Variants in CCDC60 observed in about 807,000 individuals in gnomAD.
CCDC60 encodes the protein coiled-coil domain-containing protein 60.
Under a neutral mutation model 63.5 loss-of-function variants are expected in CCDC60, and 54 were observed. That is an observed-to-expected ratio of 0.85 (90% CI 0.68 to 1.07). The LOEUF (loss-of-function observed/expected upper bound fraction) is 1.07, where lower values mean the gene tolerates loss of function less well. CCDC60 is among the 50% of genes least tolerant of loss of function. The pLI is 0.00. For synonymous variants in CCDC60, 206 were observed against 238.8 expected (o/e 0.86, Z 1.27); for missense variants, 651 against 684.3 (o/e 0.95, Z 0.54).
intron 5 of CCDC60, among the ~76,000 whole-genome samples, chr12:119,498,077 G>A (rs1172976235): frequency 6.6e-6 from 1 of 152,114 alleles, no homozygotes; most frequent in Non-Finnish European, 1.5e-5. Context: ...TTCGCTGGTA[G>A]ATCTTCAGCA....
At chr12:119,422,239 G>A (rs1232836773) in intron 1 of CCDC60, among the ~76,000 whole-genome samples, 1 of 152,172 alleles carries the variant, frequency 6.6e-6, no homozygotes, top group Non-Finnish European at 1.5e-5. Flanking sequence ...GGGAAGCAAA[G>A]ACAGAAAATC....
chr12:119,500,021 C>T (rs1040365546), intron 5 of CCDC60, 57 bp from the exon 6 acceptor site: 16 of 1,194,882 alleles, frequency 1.3e-5, no homozygotes, highest in Non-Finnish European at 2.0e-5. Flanking sequence ...CTTAAAAGAA[C>T]TTGTAATAAA....
At chr12:119,523,084 G>T in intron 10 of CCDC60, 83 bp downstream of exon 10, 1 of 1,264,042 alleles carries the variant, frequency 7.9e-7, no homozygotes, top group South Asian at 1.2e-5. Context: ...GTGTAGAAAT[G>T]ACCCAATGCA....
chr12:119,505,782 G>A (rs1951982037), intron 7 of CCDC60, among the ~76,000 whole-genome samples: 2 of 152,146 alleles, frequency 1.3e-5, no homozygotes, highest in South Asian at 4.1e-4. Context: ...CTTTAACCTG[G>A]GAGGCGAGGT....
intron 2 of CCDC60, among the ~76,000 whole-genome samples, chr12:119,443,832 ATC>A (rs897501201): frequency 6.6e-6 from 1 of 152,138 alleles, no homozygotes; most frequent in African/African-American, 2.4e-5. Flanking sequence ...GAGTTACCTA[ATC>A]TCTCTGAGTC....
At chr12:119,452,617 T>C (rs1950654703) in intron 2 of CCDC60, among the ~76,000 whole-genome samples, 1 of 152,200 alleles carries the variant, frequency 6.6e-6, no homozygotes, top group Non-Finnish European at 1.5e-5. Flanking sequence ...TGCAAAAGCT[T>C]TCTCACAGTT....
chr12:119,456,020 A>C lies in CCDC60; in HGVS notation c.171-15974A>C, dbSNP rs909465963. On this transcript the variant is annotated intron_variant, in intron 2 of 13. Transcript: ENST00000327554. The surrounding 1 kb of genome is among the most constrained non-coding windows in gnomAD (Gnocchi z 4.6). The stretch of plus-strand genomic sequence containing the variant: ...GAGAAAGAGAAAGAAAGAAAGAAAG[A>C]AAGAAAGAAAGAAAGAAAGAAAGAA... Among the ~76,000 whole-genome samples, 1 of 123,956 alleles carries C rather than the reference A, an allele frequency of 8.1e-6. No homozygotes were observed. Among genetic ancestry groups the C allele is most frequent in the Non-Finnish European group, 1.7e-5 (1 of 59,946 alleles). 81.3% of individuals were successfully genotyped at this position (123,956 alleles called of 152,430 possible).
At position 119,338,456 on chromosome 12, in the gene CCDC60, G is replaced by A. The variant is rs7971064; in HGVS notation, c.90+3190G>A. ...AAGCTATGAACTGTTACCTCTTCAT[G>A]AGATGGCAACACTGAGGCTCAGAGA... is the stretch of plus-strand genomic sequence containing the variant. On this transcript the variant is annotated intron_variant, in intron 1 of 13. Coordinates refer to ENST00000327554, the MANE Select transcript of CCDC60 (RefSeq NM_178499.5). 9.9e-5 allele frequency among the ~76,000 whole-genome samples: 15 copies of A among 152,222 alleles called. No homozygotes were observed. The South Asian group carries it at 2.5e-3, about 25-fold the overall frequency.
chr12:119,353,540 T>C (rs745982882), intron 1 of CCDC60, among the ~76,000 whole-genome samples: 4 of 151,526 alleles, frequency 2.6e-5, no homozygotes, highest in Non-Finnish European at 5.9e-5. Context: ...CTCTCATTCT[T>C]TGTCTCTCTA....
At chr12:119,398,358 A>G (rs1025253630) in intron 1 of CCDC60, among the ~76,000 whole-genome samples, 6 of 152,056 alleles carry the variant, frequency 3.9e-5, no homozygotes, top group Non-Finnish European at 2.9e-5. Flanking sequence ...GCTTACGCCC[A>G]CCCGGAACTC....
At chr12:119,499,931 C>A (rs190621921) in intron 5 of CCDC60, 147 bp from the exon 6 acceptor site, 3 of 685,536 alleles carry the variant, frequency 4.4e-6, no homozygotes, top group Non-Finnish European at 7.8e-6. Flanking sequence ...ACTATCCCCC[C>A]CATTTCTTCA....
intron 1 of CCDC60, among the ~76,000 whole-genome samples, chr12:119,404,409 A>G (rs1432055309): frequency 6.6e-6 from 1 of 152,160 alleles, no homozygotes; most frequent in Non-Finnish European, 1.5e-5. Context: ...ATATGATATC[A>G]TAACTGCTTA....
At chr12:119,453,898 GTGATGATGATGA>G (rs377413915) in intron 2 of CCDC60, among the ~76,000 whole-genome samples, 1 of 151,810 alleles carries the variant, frequency 6.6e-6, no homozygotes, top group African/African-American at 2.4e-5. Context: ...TTTGATGATT[GTGATGATGATGA>G]TGATGATGAT....
At chr12:119,457,434 C>T (rs933203280) in intron 2 of CCDC60, among the ~76,000 whole-genome samples, 2 of 152,130 alleles carry the variant, frequency 1.3e-5, no homozygotes, top group African/African-American at 4.8e-5. Context: ...AGCAAATTTC[C>T]CATTGTTGGG....
At chr12:119,503,613 T>C (rs531791045) in intron 6 of CCDC60, among the ~76,000 whole-genome samples, 1 of 152,346 alleles carries the variant, frequency 6.6e-6, no homozygotes, top group African/African-American at 2.4e-5. Context: ...GGAGAGATCA[T>C]ATGTTAAGGC....
chr12:119,480,391 C>G (rs1287220662), intron 4 of CCDC60, among the ~76,000 whole-genome samples: 1 of 152,162 alleles, frequency 6.6e-6, no homozygotes, highest in East Asian at 1.9e-4. Flanking sequence ...GAACATATAT[C>G]CCAAAGCCTT....
rs572690520 is a variant in CCDC60, at chr12:119,401,326, G to T, written c.91-27357G>T. On this transcript the variant is annotated intron_variant, in intron 1 of 13. Coordinates refer to ENST00000327554, the MANE Select transcript of CCDC60 (RefSeq NM_178499.5). ...AATCTCCTATCACCAAGAGGTTCAG[G>T]ATCCCATTCATCCATCCAACTGTCC... 2.6e-5 allele frequency among the ~76,000 whole-genome samples: 4 copies of T among 152,284 alleles called. No individual in the cohort carries two copies. The East Asian group carries it at 7.7e-4, about 29-fold the overall frequency.
chr12:119,518,281 A>G, intron 8 of CCDC60, among the ~76,000 whole-genome samples: 1 of 152,232 alleles, frequency 6.6e-6, no homozygotes, highest in East Asian at 1.9e-4. Flanking sequence ...AACCCACAGC[A>G]CAAGCACTGG....
intron 3 of CCDC60, among the ~76,000 whole-genome samples, chr12:119,477,904 G>GCA (rs145711705): frequency 3.9e-4 from 59 of 150,168 alleles, no homozygotes; most frequent in East Asian, 3.7e-3. Context: ...TTGCACACAC[G>GCA]CACACACACA....
Sources: gnomAD v4.1 joint callset for allele counts (sites outside exome capture counted in the v4.1 genomes callset) on GRCh38, gnomAD v4.1.1 for gene constraint, Gnocchi (gnomAD v3.1) non-coding constraint, MANE v1.5 for transcripts, NCBI Gene and HGNC (gene_info 2026-07-23, HGNC 2026-07-21) for gene names.